The following ATP8A2 variants were observed in gnomAD, a reference collection of about 807,000 sequenced individuals.
ATP8A2 encodes phospholipid-transporting ATPase IB.
ATP8A2 carries 100 observed loss-of-function variants against 165.6 expected under a neutral mutation model. The observed-to-expected ratio is 0.60, with a 90% CI of 0.51 to 0.71. ATP8A2 has a LOEUF of 0.71. Ranked by LOEUF, ATP8A2 falls within the 30% of genes least tolerant of loss-of-function variation. The pLI, the probability that ATP8A2 is intolerant of heterozygous loss-of-function variation, is 0.00. For synonymous variants in ATP8A2, 543 were observed against 548.8 expected (o/e 0.99, Z 0.15); for missense variants, 1,227 against 1,479.5 (o/e 0.83, Z 2.80).
chr13:25,523,318 G>A (rs2037732024), intron 2 of ATP8A2, among the ~76,000 whole-genome samples: 7 of 150,110 alleles, frequency 4.7e-5, no homozygotes, highest in Admixed American at 4.7e-4. Flanking sequence ...CATTGCCCAG[G>A]CTGGAGTGCA....
chr13:25,532,249 T>TAA (rs750615887), intron 4 of ATP8A2, 23 bp from the exon 5 acceptor site: 5 of 1,595,544 alleles, frequency 3.1e-6, no homozygotes, highest in Non-Finnish European at 1.7e-6. Context: ...AATGTTAAAC[T>TAA]ATTTTTTTTC....
chr13:25,576,320 G>A (rs1248263224), intron 19 of ATP8A2, among the ~76,000 whole-genome samples: 1 of 152,192 alleles, frequency 6.6e-6, no homozygotes, highest in Non-Finnish European at 1.5e-5. Flanking sequence ...TAGTTGGAGT[G>A]TGCTTCAGGA....
At chr13:25,499,599 G>T (rs933997092) in intron 2 of ATP8A2, among the ~76,000 whole-genome samples, 13 of 152,280 alleles carry the variant, frequency 8.5e-5, no homozygotes, top group African/African-American at 3.1e-4. Flanking sequence ...TACCAGGTTG[G>T]ATGCCAATAA....
chr13:25,483,397 G>A (rs968249014), intron 2 of ATP8A2, among the ~76,000 whole-genome samples: 1 of 152,304 alleles, frequency 6.6e-6, no homozygotes, highest in East Asian at 1.9e-4. Context: ...CACCCCAGGG[G>A]AGCAGAGATA....
rs1179774287 is a variant in ATP8A2 at position 25,532,318 on chromosome 13, G to A, written c.466+1G>A. The stretch of plus-strand genomic sequence containing the variant: ...GCAGTTAACAAAAAGAAAACAATAG[G>A]TAAGATCCCAGGCTGAAGGACTTTT... On this transcript the variant is annotated splice_donor_variant, in intron 5 of 36. Coordinates refer to ENST00000381655, the MANE Select transcript of ATP8A2 (RefSeq NM_016529.6). LOFTEE classifies it high-confidence loss of function. The A allele has an allele frequency of 6.2e-7, 1 of 1,608,094 alleles. No individual in the cohort carries two copies. The highest frequency in any genetic ancestry group is 8.5e-7 in the Non-Finnish European group (1 of 1,177,582).
At position 25,892,101 on chromosome 13, in the gene ATP8A2, G is replaced by A. The variant is rs572779995; in HGVS notation, c.3183+29693G>A. Among the ~76,000 whole-genome samples, 10 of 151,328 alleles carry A rather than the reference G, an allele frequency of 6.6e-5. No individual in the cohort carries two copies. The South Asian group carries it at 2.1e-3, about 32-fold the overall frequency. On this transcript the variant is annotated intron_variant, in intron 33 of 36. Transcript: ENST00000381655. ...TCCCATTCTCCTGCCTCAGCCTCCCGAGTAACTGGGACTACAGGCGCCCGC... is the reference window on the plus strand; with the variant it reads ...TCCCATTCTCCTGCCTCAGCCTCCCAAGTAACTGGGACTACAGGCGCCCGC...
chr13:25,820,488 A>T (rs1951151134), intron 27 of ATP8A2, among the ~76,000 whole-genome samples: 1 of 152,192 alleles, frequency 6.6e-6, no homozygotes, highest in Non-Finnish European at 1.5e-5. Context: ...TTAGTCCAAG[A>T]GTAAAATTTA....
intron 24 of ATP8A2, among the ~76,000 whole-genome samples, chr13:25,696,416 C>T (rs1196721656): frequency 6.6e-6 from 1 of 152,204 alleles, no homozygotes; most frequent in Non-Finnish European, 1.5e-5. Flanking sequence ...TATGAAAATC[C>T]TAGATGGCAT....
chr13:25,917,174 T>A (rs1004619144), intron 33 of ATP8A2, among the ~76,000 whole-genome samples: 6 of 152,178 alleles, frequency 3.9e-5, no homozygotes, highest in African/African-American at 1.2e-4. Flanking sequence ...GAAGTCATCC[T>A]CCAACCCAGG....
chr13:25,990,629 T>C (rs898633997), intron 35 of ATP8A2, among the ~76,000 whole-genome samples: 1 of 152,164 alleles, frequency 6.6e-6, no homozygotes, highest in African/African-American at 2.4e-5. Context: ...GAAGCCAGGG[T>C]CCTTGCGTTT....
chr13:25,970,191 A>G (rs1006404176), intron 35 of ATP8A2, among the ~76,000 whole-genome samples: 1 of 152,220 alleles, frequency 6.6e-6, no homozygotes, highest in East Asian at 1.9e-4. Flanking sequence ...CTGAGGGGGC[A>G]TAAGTAATTT....
intron 26 of ATP8A2, among the ~76,000 whole-genome samples, chr13:25,769,851 C>T (rs1047456783): frequency 3.9e-5 from 6 of 152,144 alleles, no homozygotes; most frequent in Admixed American, 6.5e-5. Context: ...TTCAGTCCAG[C>T]GGAGGCTGAT....
intron 7 of ATP8A2, 21 bp downstream of exon 7, chr13:25,538,082 C>T (rs1275347276): frequency 9.4e-6 from 15 of 1,596,846 alleles, no homozygotes; most frequent in Non-Finnish European, 1.2e-5. Context: ...CTAGTAGGCA[C>T]CTTTTTTGCA....
chr13:25,769,325 C>CAAGAGGGGTGGCAGAGGTT, intron 26 of ATP8A2, 96 bp downstream of exon 26: 3 of 1,215,346 alleles, frequency 2.5e-6, no homozygotes, highest in Non-Finnish European at 2.3e-6. Flanking sequence ...CTCCAAACCT[C>CAAGAGGGGTGGCAGAGGTT]TGCCACCCCT....
In ATP8A2 at chr13:25,524,133, A is replaced by G. The variant is rs2037759253; in HGVS notation, c.222-5866A>G. 2.6e-5 allele frequency among the ~76,000 whole-genome samples: 4 copies of G among 152,220 alleles called. No homozygotes were observed. The South Asian group carries it at 8.3e-4, about 32-fold the overall frequency. ...TCATTGACCTATCAGTTGTTGAGGA[A>G]CATGTTATTTAATTTCCATGGGTTT... is the stretch of plus-strand genomic sequence containing the variant. On this transcript the variant is annotated intron_variant, in intron 2 of 36. Transcript: ENST00000381655.
intron 25 of ATP8A2, among the ~76,000 whole-genome samples, chr13:25,753,356 A>T (rs2044194545): frequency 6.6e-6 from 1 of 152,152 alleles, no homozygotes; most frequent in African/African-American, 2.4e-5. Flanking sequence ...GTGCTGACTC[A>T]TGTGAATGTT....
At chr13:25,934,486 C>T (rs968183057) in intron 33 of ATP8A2, among the ~76,000 whole-genome samples, 17 of 152,192 alleles carry the variant, frequency 1.1e-4, no homozygotes, top group Non-Finnish European at 1.8e-4. Context: ...CTTTTACCTC[C>T]GGTCAGCAGT....
intron 27 of ATP8A2, among the ~76,000 whole-genome samples, chr13:25,786,014 ACC>A (rs1418737934): frequency 1.3e-5 from 2 of 152,120 alleles, no homozygotes; most frequent in African/African-American, 4.8e-5. Flanking sequence ...GTAGATTTTG[ACC>A]CTCGGTTTTA....
intron 27 of ATP8A2, among the ~76,000 whole-genome samples, chr13:25,783,601 C>T (rs746640702): frequency 1.4e-4 from 22 of 152,008 alleles, no homozygotes; most frequent in Non-Finnish European, 2.6e-4. Context: ...GCTTTACAGG[C>T]GTGGTAGGGT....
Sources: allele counts gnomAD v4.1 joint callset (sites outside exome capture counted in the v4.1 genomes callset), GRCh38; gene constraint gnomAD v4.1.1; transcripts MANE v1.5; gene names NCBI Gene and HGNC (gene_info 2026-07-23, HGNC 2026-07-21).